FANCM: variants seen among roughly 807,000 people sequenced by gnomAD.
The protein encoded by FANCM is Fanconi anemia group M protein.
In FANCM, 140 loss-of-function variants were observed where a neutral mutation model predicts 199.5. That is an observed-to-expected ratio of 0.70 (90% CI 0.61 to 0.81). The LOEUF (loss-of-function observed/expected upper bound fraction) is 0.81. Ranked by LOEUF, FANCM falls within the 30% of genes least tolerant of loss-of-function variation. FANCM has a pLI of 0.00. For missense variants in FANCM, 2,410 were observed against 2,421.4 expected (o/e 1.00, Z 0.10); for synonymous variants, 840 against 836.8 (o/e 1.00, Z -0.07).
intron 8 of FANCM, among the ~76,000 whole-genome samples, chr14:45,157,966 G>A (rs1887315217): frequency 6.6e-6 from 1 of 152,112 alleles, no homozygotes; most frequent in Non-Finnish European, 1.5e-5. Flanking sequence ...GGAGGCTGAG[G>A]TGGGCAGATC....
chr14:45,189,492 G>A (rs1313222473), intron 20 of FANCM, 130 bp downstream of exon 20: 2 of 703,364 alleles, frequency 2.8e-6, no homozygotes, highest in Non-Finnish European at 4.8e-6. Context: ...TGCAGAAAAT[G>A]TCTTCAAACA....
At position 45,136,374 on chromosome 14, in the gene FANCM, C is replaced by T. The variant is rs1200564694; in HGVS notation, c.343C>T (p.Leu115=). The change falls in exon 1 of 23, where the codon CTG becomes TTG. Residue 115 remains leucine (L), a synonymous_variant. Coordinates refer to ENST00000267430, the MANE Select transcript of FANCM (RefSeq NM_020937.4). ...CNTLVCLPTG[L]GKTFIAAVVM... ...TACGCTGGTGTGTCTGCCTACCGGA[C>T]TGGGAAAGACCTTTATTGCCGCCGT... is the stretch of plus-strand genomic sequence containing the variant. 4.3e-6 allele frequency: 7 copies of T among 1,614,038 alleles called. No individual in the cohort carries two copies. The highest frequency in any genetic ancestry group is 5.9e-6 in the Non-Finnish European group (7 of 1,180,046).
At chr14:45,198,560 G>GTTTCCT in intron 21 of FANCM, 84 bp from the exon 22 acceptor site, 2 of 902,144 alleles carry the variant, frequency 2.2e-6, no homozygotes, top group Non-Finnish European at 3.3e-6. Flanking sequence ...GTAGATCTTG[G>GTTTCCT]GATTTTAATA....
chr14:45,138,722 AT>A (rs911569411), intron 2 of FANCM, among the ~76,000 whole-genome samples: 4 of 151,758 alleles, frequency 2.6e-5, no homozygotes, highest in African/African-American at 7.3e-5. Context: ...TAGGCATTAG[AT>A]TTTTTTTTAA....
At chr14:45,136,931 TA>T in intron 1 of FANCM, 137 bp from the exon 2 acceptor site, 1 of 739,826 alleles carries the variant, frequency 1.4e-6, no homozygotes, top group South Asian at 1.6e-5. Flanking sequence ...CTTTAAAATG[TA>T]GCATTCCGAT....
rs2139244888 is a variant in FANCM, at chr14:45,175,694, C to T, written c.2940C>T (p.His980=). The T allele has an allele frequency of 6.2e-7, 1 of 1,613,292 alleles. No individual in the cohort carries two copies. The highest frequency in any genetic ancestry group is 1.1e-5 in the South Asian group (1 of 91,064). The part of the protein sequence containing the change: ...VRTDDQFYNC[H]SLTKEVLANV... ...CAGATGACCAATTTTATAATTGTCACTCATTGACAAAAGAGGTACTAGCTA... is the reference window on the plus strand; with the variant it reads ...CAGATGACCAATTTTATAATTGTCATTCATTGACAAAAGAGGTACTAGCTA... The change falls in exon 14 of 23, where the codon CAC becomes CAT. Residue 980 remains histidine (H), a synonymous_variant. Transcript: ENST00000267430.
intron 8 of FANCM, among the ~76,000 whole-genome samples, chr14:45,156,284 C>G (rs1887184243): frequency 6.6e-6 from 1 of 152,094 alleles, no homozygotes; most frequent in Non-Finnish European, 1.5e-5. Flanking sequence ...TAGATTGAGG[C>G]TACAAGTATG....
chr14:45,172,914 T>C lies in FANCM; in HGVS notation c.2161-141T>C, dbSNP rs1053330983. Reference sequence around the variant, plus strand: ...GCTTTATGAAATTATTTTCTTTTTTTCTTCTGAGATTTTAGTTGGGAGTAT... The same window carrying C: ...GCTTTATGAAATTATTTTCTTTTTTCCTTCTGAGATTTTAGTTGGGAGTAT... On this transcript the variant is annotated intron_variant, in intron 12 of 22. Transcript: ENST00000267430. 1.1e-4 allele frequency: 70 copies of C among 644,262 alleles called. 1 individual carries two copies. Among genetic ancestry groups the C allele is most frequent in the Non-Finnish European group, 2.2e-5 (8 of 367,656 alleles). 39.9% of individuals were successfully genotyped at this position (644,262 alleles called of 1,614,324 possible).
chr14:45,141,109 A>T (rs950725464), intron 3 of FANCM, among the ~76,000 whole-genome samples: 1 of 152,052 alleles, frequency 6.6e-6, no homozygotes, highest in Non-Finnish European at 1.5e-5. Flanking sequence ...TAACACGGTG[A>T]AACCCGGTGT....
At chr14:45,173,434 A>G (rs1186415909) in intron 13 of FANCM, among the ~76,000 whole-genome samples, 1 of 152,206 alleles carries the variant, frequency 6.6e-6, no homozygotes, top group South Asian at 2.1e-4. Context: ...TAGAATTTTA[A>G]TATACTTAAA....
intron 9 of FANCM, among the ~76,000 whole-genome samples, chr14:45,160,477 C>G (rs191791707): frequency 2.5e-4 from 38 of 150,452 alleles, no homozygotes; most frequent in African/African-American, 9.0e-4. Flanking sequence ...TGCCCACCAC[C>G]ACGCCCAGCT....
chr14:45,136,788 T>G (rs1446666904), intron 1 of FANCM, among the ~76,000 whole-genome samples: 1 of 152,238 alleles, frequency 6.6e-6, no homozygotes, highest in African/African-American at 2.4e-5. Context: ...TTTCCTGGCA[T>G]TCTTCCTGAA....
At chr14:45,198,469 T>C in intron 21 of FANCM, 175 bp from the exon 22 acceptor site, 1 of 489,102 alleles carries the variant, frequency 2.0e-6, no homozygotes, top group Non-Finnish European at 3.6e-6. Context: ...TAGTTACCCC[T>C]ATTTTCTTTC....
chr14:45,141,463 ACTCCCCTCCCCTCCC>A (rs1160097559), intron 3 of FANCM, among the ~76,000 whole-genome samples: 1 of 124,576 alleles, frequency 8.0e-6, no homozygotes, highest in Admixed American at 8.2e-5. Flanking sequence ...TGGTTGCAGG[ACTCCCCTCCCCTCCC>A]CTCCCCTCCC....
In FANCM at chr14:45,189,249, T is replaced by A. The variant is rs1889612318; in HGVS notation, c.5227T>A (p.Ser1743Thr). ...ATCGCTGAATTTAAAGGATACAATT[T>A]CCGAAGTCTCAGACTTCAAACCTCA... ...QTSLNLKDTI[S>T]EVSDFKPQNH... Residue 1743 changes from serine (S) to threonine (T), a missense_variant, in exon 20 of 23, where the codon TCC becomes ACC. Physicochemically the swap from Ser to Thr is moderately conservative, Grantham distance 58. Coordinates refer to ENST00000267430, the MANE Select transcript of FANCM (RefSeq NM_020937.4). 1 of 1,613,968 alleles carries A rather than the reference T, an allele frequency of 6.2e-7. No individual in the cohort carries two copies. The highest frequency in any genetic ancestry group is 8.5e-7 in the Non-Finnish European group (1 of 1,179,976).
At chr14:45,140,454 GAATA>G (rs1465425217) in intron 2 of FANCM, among the ~76,000 whole-genome samples, 174 bp from the exon 3 acceptor site, 1 of 152,172 alleles carries the variant, frequency 6.6e-6, no homozygotes, top group African/African-American at 2.4e-5. Flanking sequence ...TCAGCATAGA[GAATA>G]AACCTAAATC....
chr14:45,170,799 A>G (rs1162510379), intron 12 of FANCM, 53 bp downstream of exon 12: 2 of 1,405,628 alleles, frequency 1.4e-6, no homozygotes, highest in South Asian at 1.2e-5. Flanking sequence ...TTTTAATGCC[A>G]GAACCCCTCA....
At chr14:45,178,075 G>A (rs1211286831) in intron 14 of FANCM, among the ~76,000 whole-genome samples, 3 of 152,160 alleles carry the variant, frequency 2.0e-5, no homozygotes, top group Non-Finnish European at 4.4e-5. Context: ...TATGTTAAAA[G>A]CTGAATAAAA....
At position 45,137,248 on chromosome 14, in the gene FANCM, A is replaced by T. The variant is rs1306101398; in HGVS notation, c.681+7A>T. On this transcript the variant is annotated splice_region_variant and intron_variant, in intron 2 of 22. Coordinates refer to ENST00000267430, the MANE Select transcript of FANCM (RefSeq NM_020937.4). ...AAACTATGCTTATTGCCAGGTAATA[A>T]TTTTGTTAAACGGTATTTTGTATTG... 2 of 1,609,386 alleles carry T rather than the reference A, an allele frequency of 1.2e-6. No homozygotes were observed. Among genetic ancestry groups the T allele is most frequent in the African/African-American group, 2.7e-5 (2 of 74,920 alleles).
Sources: gnomAD v4.1 joint callset for allele counts (sites outside exome capture counted in the v4.1 genomes callset) on GRCh38, gnomAD v4.1.1 for gene constraint, MANE v1.5 for transcripts, NCBI Gene and HGNC (gene_info 2026-07-23, HGNC 2026-07-21) for gene names.